The following DPYD variants were observed in gnomAD, a reference collection of about 807,000 sequenced individuals.
DPYD encodes dihydropyrimidine dehydrogenase, also known as dihydropyrimidine dehydrogenase [NADP(+)].
A neutral mutation model predicts 116.2 loss-of-function variants in DPYD; 109 were observed. The observed-to-expected ratio is 0.94, with a 90% CI of 0.80 to 1.10. The LOEUF is 1.10. Ranked by LOEUF, DPYD falls within the 50% of genes least tolerant of loss-of-function variation. The probability of loss-of-function intolerance (pLI) is 0.00; values close to 1 mark genes in which losing one functional copy is unlikely to be tolerated. For missense variants in DPYD, 1,302 were observed against 1,254.5 expected, an observed-to-expected ratio of 1.04 and a Z score of -0.57; for synonymous variants, 440 against 432.0, an observed-to-expected ratio of 1.02 and a Z score of -0.23.
intron 8 of DPYD, among the ~76,000 whole-genome samples, chr1:97,640,471 G>A (rs1276852295): frequency 6.6e-6 from 1 of 152,054 alleles, no homozygotes; most frequent in Non-Finnish European, 1.5e-5. Flanking sequence ...ACCATGACCA[G>A]CTAATTTTTG....
intron 3 of DPYD, 78 bp from the exon 4 acceptor site, chr1:97,740,557 G>A (rs1664206131): frequency 1.7e-6 from 2 of 1,190,216 alleles, no homozygotes; most frequent in African/African-American, 1.5e-5. Flanking sequence ...CTCATTCAGA[G>A]TCCGTGTCTA....
chr1:97,399,517 G>C lies in DPYD; in HGVS notation c.1906-17056C>G, dbSNP rs547808409. ...TTGGTAGCTTGATGGGGATGGCATT[G>C]AATCTATAAATTACCTTGGGCAGTA... On this transcript the variant is annotated intron_variant, in intron 14 of 22. Transcript: ENST00000370192. Among the ~76,000 whole-genome samples, 53 of 152,200 alleles carry C rather than the reference G, an allele frequency of 3.5e-4. 2 individuals are homozygous for C. In the East Asian group the frequency reaches 9.3e-3, roughly 27 times the overall value.
At chr1:97,214,525 G>C (rs1358539614) in intron 19 of DPYD, among the ~76,000 whole-genome samples, 3 of 152,192 alleles carry the variant, frequency 2.0e-5, no homozygotes, top group South Asian at 2.1e-4. Flanking sequence ...GTGTAGAAGA[G>C]AGTAATATAG....
intron 3 of DPYD, among the ~76,000 whole-genome samples, chr1:97,815,545 C>A (rs1668560958): frequency 6.6e-6 from 1 of 152,130 alleles, no homozygotes; most frequent in Admixed American, 6.5e-5. Context: ...GCAGACCAGT[C>A]AAGTACAAAT....
chr1:97,739,614 T>C (rs943783852), intron 4 of DPYD, among the ~76,000 whole-genome samples: 1 of 152,128 alleles, frequency 6.6e-6, no homozygotes, highest in Non-Finnish European at 1.5e-5. Flanking sequence ...TTAAGGTATC[T>C]TTACAGCATT....
chr1:97,105,999 G>C (rs1651111216), intron 20 of DPYD, among the ~76,000 whole-genome samples: 1 of 152,094 alleles, frequency 6.6e-6, no homozygotes, highest in South Asian at 2.1e-4. Flanking sequence ...TATAGATAGG[G>C]CTCTGAATTC....
intron 12 of DPYD, among the ~76,000 whole-genome samples, chr1:97,520,410 C>G (rs2105129): frequency 0.61 from 93,380 of 151,980 alleles, 28,842 homozygotes; most frequent in East Asian, 0.75. Flanking sequence ...GCATATACTT[C>G]TTGGGACATT....
At chr1:97,795,100 A>C (rs1354039791) in intron 3 of DPYD, among the ~76,000 whole-genome samples, 1 of 152,102 alleles carries the variant, frequency 6.6e-6, no homozygotes, top group African/African-American at 2.4e-5. Context: ...AGCAGTCTTA[A>C]CTAATGGGAT....
intron 14 of DPYD, among the ~76,000 whole-genome samples, chr1:97,422,513 C>T (rs1043162859): frequency 2.0e-5 from 3 of 152,086 alleles, no homozygotes; most frequent in Non-Finnish European, 4.4e-5. Flanking sequence ...AGTAGAGTAA[C>T]CTTTTTTAGA....
chr1:97,652,815 C>T (rs924479105), intron 8 of DPYD, among the ~76,000 whole-genome samples: 2 of 152,154 alleles, frequency 1.3e-5, no homozygotes, highest in Non-Finnish European at 2.9e-5. Context: ...TTCTTAACCT[C>T]GGGTATATGA....
chr1:97,590,877 G>A (rs1179626126), intron 10 of DPYD, among the ~76,000 whole-genome samples: 1 of 152,222 alleles, frequency 6.6e-6, no homozygotes, highest in Non-Finnish European at 1.5e-5. Flanking sequence ...CAGCAGAGTA[G>A]CCATTTTAAA....
intron 13 of DPYD, among the ~76,000 whole-genome samples, chr1:97,490,692 G>C (rs1369827273): frequency 6.6e-6 from 1 of 151,186 alleles, no homozygotes; most frequent in African/African-American, 2.4e-5. Context: ...GTTTCAAGAA[G>C]CATAACATGA....
Position 97,865,583 on chromosome 1 carries a change from T to C in DPYD, c.150+17681A>G, listed in dbSNP as rs146737158. On this transcript the variant is annotated intron_variant, in intron 2 of 22. Transcript: ENST00000370192. ...ACACAGTTCCATTCTTCTCACAATA[T>C]ATAGGCAGTAAATTTTTTTCTAAAA... 2.4e-3 allele frequency among the ~76,000 whole-genome samples: 368 copies of C among 152,058 alleles called. 2 individuals carry two copies. Among genetic ancestry groups the C allele is most frequent in the African/African-American group, 7.8e-3 (322 of 41,512 alleles).
intron 20 of DPYD, among the ~76,000 whole-genome samples, chr1:97,174,675 TATATG>T (rs780185984): frequency 1.4e-4 from 22 of 152,344 alleles, no homozygotes; most frequent in Admixed American, 6.5e-4. Context: ...TAGTATTTCT[TATATG>T]ATATATCTTA....
intron 3 of DPYD, among the ~76,000 whole-genome samples, chr1:97,753,018 TAAC>T (rs748505414): frequency 5.8e-4 from 88 of 152,314 alleles, no homozygotes; most frequent in Admixed American, 2.5e-3. Context: ...TTTATGTAAA[TAAC>T]AAATCTTTAT....
At chr1:97,249,730 A>C (rs1662958336) in intron 18 of DPYD, among the ~76,000 whole-genome samples, 3 of 152,236 alleles carry the variant, frequency 2.0e-5, no homozygotes, top group Admixed American at 2.0e-4. Flanking sequence ...TACATGAAGA[A>C]CTAGAAACCA....
At position 97,605,263 on chromosome 1, in the gene DPYD, T is replaced by A. The variant is rs560609576; in HGVS notation, c.851-10097A>T. 4.1e-4 allele frequency among the ~76,000 whole-genome samples: 62 copies of A among 152,188 alleles called. 1 individual carries two copies. The South Asian group carries it at 6.8e-3, about 17-fold the overall frequency. On this transcript the variant is annotated intron_variant, in intron 8 of 22. Transcript: ENST00000370192. The stretch of plus-strand genomic sequence containing the variant: ...CGATATGTGATATGGTTTGACTGTA[T>A]CCCCACCCAAATCTCATCTTGAATT...
chr1:97,505,154 A>G (rs1053219084), intron 13 of DPYD, among the ~76,000 whole-genome samples: 1 of 152,072 alleles, frequency 6.6e-6, no homozygotes, highest in East Asian at 1.9e-4. Context: ...GTATGAGGAG[A>G]GAAGTGAAAG....
chr1:97,562,660 G>T (rs1652232729), intron 11 of DPYD, among the ~76,000 whole-genome samples: 1 of 152,106 alleles, frequency 6.6e-6, no homozygotes. Context: ...TATTTTGGGA[G>T]TAGATATTGA....
Sources: gnomAD v4.1 joint callset for allele counts (sites outside exome capture counted in the v4.1 genomes callset) on GRCh38, gnomAD v4.1.1 for gene constraint, MANE v1.5 for transcripts, NCBI Gene and HGNC (gene_info 2026-07-23, HGNC 2026-07-21) for gene names.